The following RNF125 variants were observed in gnomAD, a reference collection of about 807,000 sequenced individuals.
RNF125 encodes the protein E3 ubiquitin-protein ligase RNF125.
A neutral mutation model predicts 26.0 loss-of-function variants in RNF125; 21 were observed. The observed-to-expected ratio is 0.81, with a 90% CI of 0.57 to 1.16. RNF125 has a LOEUF of 1.16. Ranked by LOEUF, RNF125 falls within the 50% of genes most tolerant of loss-of-function variation. The pLI, the probability that RNF125 is intolerant of heterozygous loss-of-function variation, is 0.00. For missense variants in RNF125, 270 were observed against 299.4 expected (o/e 0.90, Z 0.72); for synonymous variants, 95 against 109.2 (o/e 0.87, Z 0.81).
intron 4 of RNF125, among the ~76,000 whole-genome samples, chr18:32,063,001 C>A (rs1235576792): frequency 1.1e-4 from 16 of 152,086 alleles, no homozygotes; most frequent in African/African-American, 2.4e-4. Flanking sequence ...GGGTAGATCA[C>A]CTGAGGTCAG....
intron 4 of RNF125, among the ~76,000 whole-genome samples, chr18:32,058,083 G>A (rs2039402216): frequency 7.0e-6 from 1 of 142,186 alleles, no homozygotes; most frequent in African/African-American, 2.6e-5. Context: ...AGTGAGCCAT[G>A]ATCATACCAT....
chr18:32,045,032 C>T (rs2039254909), intron 3 of RNF125, among the ~76,000 whole-genome samples: 1 of 151,362 alleles, frequency 6.6e-6, no homozygotes, highest in South Asian at 2.1e-4. Flanking sequence ...ACAGGAGGAT[C>T]ATTTGAGCCC....
rs757825021 is a variant in RNF125 at position 32,037,127 on chromosome 18, C to T, written c.176C>T (p.Ser59Phe). ...RTRCGHVFCR[S>F]CIATSLKNNK... is the part of the protein sequence containing the mutation. ...TCTGTTTGGGGTAGATTCTGCCGTT[C>T]CTGTATTGCTACCAGTCTAAAGAAC... Residue 59 changes from serine (S) to phenylalanine (F), a missense_variant, in exon 2 of 6, where the codon TCC becomes TTC. Coordinates refer to ENST00000217740, the MANE Select transcript of RNF125 (RefSeq NM_017831.4). 3.1e-5 allele frequency: 49 copies of T among 1,602,484 alleles called. No individual in the cohort carries two copies. In the South Asian group the frequency reaches 5.4e-4, roughly 18 times the overall value.
the RNF125 span, among the ~76,000 whole-genome samples, chr18:32,088,328 G>GAA: frequency 6.6e-6 from 1 of 152,150 alleles, no homozygotes; most frequent in Non-Finnish European, 1.5e-5. Context: ...CCATCCTCCA[G>GAA]CTTCCCAGTT....
At chr18:32,056,139 A>G (rs1341258970) in intron 4 of RNF125, among the ~76,000 whole-genome samples, 1 of 152,040 alleles carries the variant, frequency 6.6e-6, no homozygotes, top group African/African-American at 2.4e-5. Context: ...GGAATTTGCA[A>G]GGATTCTTAC....
downstream of RNF125, among the ~76,000 whole-genome samples, chr18:32,076,529 T>G (rs1271973894): frequency 6.6e-6 from 1 of 152,104 alleles, no homozygotes. Flanking sequence ...GTTGCCCAGG[T>G]TGGTCTCTTG....
intron 4 of RNF125, among the ~76,000 whole-genome samples, chr18:32,051,014 C>T (rs1438846176): frequency 5.3e-5 from 8 of 151,530 alleles, no homozygotes; most frequent in South Asian, 4.2e-4. Context: ...TGAGCCACCG[C>T]GCCTGGCCTC....
At chr18:32,050,199 GA>G (rs1187148369) in intron 4 of RNF125, among the ~76,000 whole-genome samples, 2 of 152,168 alleles carry the variant, frequency 1.3e-5, no homozygotes, top group South Asian at 2.1e-4. Context: ...TTTTCTTTCT[GA>G]GCTGCTCAAG....
chr18:32,043,075 G>T (rs2144479025), intron 3 of RNF125, among the ~76,000 whole-genome samples: 1 of 152,056 alleles, frequency 6.6e-6, no homozygotes, highest in Middle Eastern at 3.4e-3. Flanking sequence ...CTTGAATCTG[G>T]GAGGCAGAGG....
At chr18:32,067,328 A>T (rs773765429) in intron 5 of RNF125, among the ~76,000 whole-genome samples, 2 of 152,186 alleles carry the variant, frequency 1.3e-5, no homozygotes, top group Non-Finnish European at 1.5e-5. Context: ...CTGTCTAATC[A>T]TGCTCAGTCT....
chr18:32,077,334 A>ATTTTTTT (rs552701343), downstream of RNF125, among the ~76,000 whole-genome samples: 3 of 107,878 alleles, frequency 2.8e-5, no homozygotes, highest in Non-Finnish European at 3.5e-5. Flanking sequence ...CCCTCTCCCC[A>ATTTTTTT]TTTTTTTTTT....
intron 3 of RNF125, among the ~76,000 whole-genome samples, chr18:32,044,160 C>G (rs2039246237): frequency 6.6e-6 from 1 of 152,052 alleles, no homozygotes; most frequent in Non-Finnish European, 1.5e-5. Flanking sequence ...GCGTGTGCCA[C>G]CATGCCTAGC....
intron 1 of RNF125, among the ~76,000 whole-genome samples, chr18:32,023,108 C>T (rs558116749): frequency 1.2e-4 from 19 of 152,154 alleles, no homozygotes; most frequent in African/African-American, 2.6e-4. Flanking sequence ...CAGCCTCTCA[C>T]GTAGCTGGGA....
chr18:32,085,581 A>G, the RNF125 span, among the ~76,000 whole-genome samples: 1 of 151,476 alleles, frequency 6.6e-6, no homozygotes, highest in African/African-American at 2.4e-5. Flanking sequence ...GGTGCCTGTA[A>G]TCTCAGCTAC....
In RNF125 at chr18:32,042,975, C is replaced by T. The variant is rs182340746; in HGVS notation, c.413+702C>T. Among the ~76,000 whole-genome samples, 366 of 151,648 alleles carry T rather than the reference C, an allele frequency of 2.4e-3. 4 individuals are homozygous for T. The highest frequency in any genetic ancestry group is 8.3e-3 in the African/African-American group (345 of 41,328). On this transcript the variant is annotated intron_variant, in intron 3 of 5. Coordinates refer to ENST00000217740, the MANE Select transcript of RNF125 (RefSeq NM_017831.4). ...ACCAGCCTGGGCAACATGGCGAAAC[C>T]CCATCTCTACTAAAAATACAAAAAT...
intron 3 of RNF125, among the ~76,000 whole-genome samples, chr18:32,043,085 G>T (rs902836083): frequency 7.9e-5 from 12 of 151,928 alleles, no homozygotes; most frequent in African/African-American, 1.9e-4. Flanking sequence ...GGAGGCAGAG[G>T]TTGCAGTGAG....
intron 1 of RNF125, among the ~76,000 whole-genome samples, chr18:32,034,155 C>G (rs112164779): frequency 6.6e-6 from 1 of 152,196 alleles, no homozygotes; most frequent in African/African-American, 2.4e-5. Context: ...CAGGGTTATT[C>G]CCCTCCTTGC....
At chr18:32,090,250 G>C in the RNF125 span, among the ~76,000 whole-genome samples, 5 of 151,522 alleles carry the variant, frequency 3.3e-5, no homozygotes, top group African/African-American at 4.8e-5. Context: ...TGTCTCAAAA[G>C]AAAAAAGAAA....
At chr18:32,026,839 C>T (rs2039041427) in intron 1 of RNF125, among the ~76,000 whole-genome samples, 1 of 152,194 alleles carries the variant, frequency 6.6e-6, no homozygotes, top group East Asian at 1.9e-4. Flanking sequence ...ATGGCTTCAA[C>T]CAAGGTTTCC....
Sources: gnomAD v4.1 joint callset for allele counts (sites outside exome capture counted in the v4.1 genomes callset) on GRCh38, gnomAD v4.1.1 for gene constraint, MANE v1.5 for transcripts, NCBI Gene and HGNC (gene_info 2026-07-23, HGNC 2026-07-21) for gene names.